ASAP1: variants seen among roughly 807,000 people sequenced by gnomAD.
ASAP1 encodes arf-GAP with SH3 domain, ANK repeat and PH domain-containing protein 1.
In ASAP1, 43 loss-of-function variants were observed where a neutral mutation model predicts 145.2. The observed-to-expected ratio is 0.30, with a 90% confidence interval of 0.23 to 0.38. The LOEUF (loss-of-function observed/expected upper bound fraction) is 0.38, where lower values mean the gene tolerates loss of function less well. Ranked by LOEUF, ASAP1 falls within the 10% of genes least tolerant of loss-of-function variation. The pLI is 1.00. For missense variants in ASAP1, 1,018 were observed against 1,355.3 expected, an observed-to-expected ratio of 0.75 and a Z score of 3.91; for synonymous variants, 546 against 515.5, an observed-to-expected ratio of 1.06 and a Z score of -0.80.
At chr8:130,055,147 C>T (rs1035177828) in intron 29 of ASAP1, among the ~76,000 whole-genome samples, 2 of 152,142 alleles carry the variant, frequency 1.3e-5, no homozygotes, top group Non-Finnish European at 2.9e-5. Context: ...CTCCCACAGG[C>T]GTGGGGCTCT....
intron 4 of ASAP1, among the ~76,000 whole-genome samples, chr8:130,233,983 T>A (rs1040509189): frequency 1.5e-4 from 23 of 152,328 alleles, no homozygotes; most frequent in African/African-American, 4.8e-4. Flanking sequence ...AATATTTTTT[T>A]AATCTCAATA....
chr8:130,350,923 A>G (rs887144006), intron 3 of ASAP1, among the ~76,000 whole-genome samples: 35 of 152,232 alleles, frequency 2.3e-4, no homozygotes, highest in African/African-American at 8.2e-4. Context: ...GGTTGGGTCA[A>G]CAGTCCCAGA....
At chr8:130,372,997 C>T (rs2138303238) in intron 2 of ASAP1, among the ~76,000 whole-genome samples, 1 of 146,884 alleles carries the variant, frequency 6.8e-6, no homozygotes, top group East Asian at 2.0e-4. Flanking sequence ...CAGACATACA[C>T]AGACACAGAC....
At chr8:130,398,871 G>C (rs77449536) in intron 2 of ASAP1, among the ~76,000 whole-genome samples, 1 of 152,188 alleles carries the variant, frequency 6.6e-6, no homozygotes, top group Non-Finnish European at 1.5e-5. Context: ...CTGTCAGCAC[G>C]ATCTTTCAAG....
Position 130,112,128 on chromosome 8 carries a change from C to G in ASAP1, c.2367G>C (p.Glu789Asp). The change falls in exon 24 of 30, where the codon GAG becomes GAC. Residue 789 changes from glutamate to aspartate, a missense_variant. Coordinates refer to ENST00000518721, the MANE Select transcript of ASAP1 (RefSeq NM_018482.4). ...STDSPTSPTT[E>D]APPLPPRNAG... ...CGTTCCTAGGAGGCAGAGGGGGAGC[C>G]TCCGTGGTTGGTGATGTGGGCGAGT... 6.2e-7 allele frequency: 1 copy of G among 1,614,134 alleles called. No individual in the cohort carries two copies. Among genetic ancestry groups the G allele is most frequent in the Non-Finnish European group, 8.5e-7 (1 of 1,180,022 alleles).
chr8:130,333,175 C>A (rs936956846), intron 3 of ASAP1, among the ~76,000 whole-genome samples: 5 of 152,336 alleles, frequency 3.3e-5, no homozygotes, highest in African/African-American at 1.2e-4. Flanking sequence ...TTCCTAAGCA[C>A]CCCCAACCCT....
intron 24 of ASAP1, among the ~76,000 whole-genome samples, chr8:130,110,336 C>A (rs1184468323): frequency 6.6e-6 from 1 of 152,206 alleles, no homozygotes; most frequent in Non-Finnish European, 1.5e-5. Context: ...TAGGTCCCCA[C>A]TGCTATGTTG....
chr8:130,268,694 G>T (rs1053506232), intron 3 of ASAP1, among the ~76,000 whole-genome samples: 1 of 152,116 alleles, frequency 6.6e-6, no homozygotes, highest in Non-Finnish European at 1.5e-5. Context: ...GTAGTGGGAT[G>T]GTAGGTGATC....
chr8:130,076,893 G>A (rs2097463646), intron 26 of ASAP1, among the ~76,000 whole-genome samples: 2 of 151,202 alleles, frequency 1.3e-5, no homozygotes, highest in African/African-American at 2.4e-5. Flanking sequence ...CACAGTAAAA[G>A]GATGAAAAAA....
Position 130,316,648 on chromosome 8 carries a change from A to T in ASAP1, c.186+41369T>A, listed in dbSNP as rs140325070. On this transcript the variant is annotated intron_variant, in intron 3 of 29. Transcript: ENST00000518721. ...CAGAAATGACAGCTGGAGCTCTGGC[A>T]GCAATCTTAAGCTGAGAGGTGACCT... Among the ~76,000 whole-genome samples, 763 of 152,344 alleles carry T rather than the reference A, an allele frequency of 5.0e-3. 6 individuals are homozygous for T. Among genetic ancestry groups the T allele is most frequent in the African/African-American group, 0.017 (727 of 41,578 alleles).
chr8:130,210,755 A>T (rs914145819), intron 5 of ASAP1, among the ~76,000 whole-genome samples: 2 of 152,162 alleles, frequency 1.3e-5, no homozygotes, highest in Non-Finnish European at 1.5e-5. Context: ...TAATTGCACC[A>T]TTTTGCAGGT....
intron 3 of ASAP1, among the ~76,000 whole-genome samples, chr8:130,290,574 C>T (rs1437506267): frequency 1.3e-5 from 2 of 152,210 alleles, no homozygotes; most frequent in Non-Finnish European, 1.5e-5. Flanking sequence ...TGCCTGATTT[C>T]ATAAAGAACC....
intron 1 of ASAP1, among the ~76,000 whole-genome samples, chr8:130,433,087 C>T (rs117640657): frequency 2.6e-5 from 4 of 152,300 alleles, no homozygotes; most frequent in African/African-American, 4.8e-5. Context: ...AACTGTCCTA[C>T]GAGAGGAAAC....
chr8:130,272,786 GGAGCTAAAAATGTTGA>G (rs1820663735), intron 3 of ASAP1, among the ~76,000 whole-genome samples: 1 of 152,162 alleles, frequency 6.6e-6, no homozygotes, highest in African/African-American at 2.4e-5. Context: ...CTCATATGTG[GGAGCTAAAAATGTTGA>G]GGTAGAAAGT....
intron 25 of ASAP1, among the ~76,000 whole-genome samples, chr8:130,085,735 TAAGAA>T (rs2097491379): frequency 8.0e-6 from 1 of 125,312 alleles, no homozygotes; most frequent in South Asian, 2.7e-4. Context: ...ACGTTGTCTT[TAAGAA>T]AAAAAAAAAA....
chr8:130,344,584 C>T (rs1049387090), intron 3 of ASAP1, among the ~76,000 whole-genome samples: 14 of 152,152 alleles, frequency 9.2e-5, no homozygotes, highest in African/African-American at 3.1e-4. Context: ...TAACAGCAAG[C>T]AAACTGGCTG....
At chr8:130,226,374 A>G (rs1207042762) in intron 4 of ASAP1, among the ~76,000 whole-genome samples, 1 of 152,192 alleles carries the variant, frequency 6.6e-6, no homozygotes, top group Non-Finnish European at 1.5e-5. Flanking sequence ...ACTGCTGATT[A>G]TGAGCAAATT....
intron 2 of ASAP1, among the ~76,000 whole-genome samples, chr8:130,366,470 T>C (rs779661269): frequency 3.3e-5 from 5 of 152,172 alleles, no homozygotes; most frequent in Admixed American, 6.5e-5. Flanking sequence ...CCTCCTCCCT[T>C]GGTCATTTTC....
intron 24 of ASAP1, among the ~76,000 whole-genome samples, chr8:130,101,497 C>T (rs1438942557): frequency 1.3e-5 from 2 of 151,928 alleles, no homozygotes; most frequent in South Asian, 2.1e-4. Context: ...GCTCTTTCAC[C>T]TCCTTGGTTA....
Sources: allele counts gnomAD v4.1 joint callset (sites outside exome capture counted in the v4.1 genomes callset), GRCh38; gene constraint gnomAD v4.1.1; transcripts MANE v1.5; gene names NCBI Gene and HGNC (gene_info 2026-07-23, HGNC 2026-07-21).